VSTM4: variants seen among roughly 807,000 people sequenced by gnomAD.
VSTM4 encodes the protein V-set and transmembrane domain containing 4, also known as V-set and transmembrane domain-containing protein 4.
In VSTM4, 20 loss-of-function variants were observed where a neutral mutation model predicts 36.4. That is an observed-to-expected ratio of 0.55 (90% CI 0.39 to 0.80). The LOEUF is 0.80. Among genes scored for constraint, VSTM4 ranks in the 30% least tolerant of loss-of-function variants. The pLI is 0.00. For synonymous variants in VSTM4, 182 were observed against 173.9 expected (o/e 1.05, Z -0.37); for missense variants, 392 against 404.5 (o/e 0.97, Z 0.26).
chr10:49,079,078 C>T (rs1488245171), intron 3 of VSTM4, among the ~76,000 whole-genome samples: 1 of 152,166 alleles, frequency 6.6e-6, no homozygotes, highest in African/African-American at 2.4e-5. Flanking sequence ...GTGATCCCCC[C>T]ACCTCCACCT....
At chr10:49,087,160 C>G (rs2132002565) in intron 2 of VSTM4, among the ~76,000 whole-genome samples, 1 of 152,294 alleles carries the variant, frequency 6.6e-6, no homozygotes, top group East Asian at 1.9e-4. Flanking sequence ...CTGTGTTTAA[C>G]CTTCTGTACA....
At chr10:49,108,092 G>C in intron 1 of VSTM4, 97 bp from the exon 2 acceptor site, 1 of 1,418,760 alleles carries the variant, frequency 7.0e-7, no homozygotes. Context: ...TCCACGCACT[G>C]GGCATCCTAG....
At chr10:49,051,997 T>G (rs1194184676) in intron 5 of VSTM4, among the ~76,000 whole-genome samples, 4 of 152,208 alleles carry the variant, frequency 2.6e-5, no homozygotes, top group African/African-American at 9.6e-5. Context: ...AAGCCGATGT[T>G]TACTTAGCCA....
chr10:49,112,725 T>C (rs560783844), intron 1 of VSTM4, among the ~76,000 whole-genome samples: 16 of 152,306 alleles, frequency 1.1e-4, no homozygotes, highest in African/African-American at 3.9e-4. Context: ...TATCTTGAAA[T>C]TTTAATACAT....
chr10:49,020,753 G>GGAAGGAAGGAAGGAAGGA (rs1843170943), intron 7 of VSTM4, among the ~76,000 whole-genome samples: 2 of 77,118 alleles, frequency 2.6e-5, no homozygotes, highest in Admixed American at 1.6e-4. Flanking sequence ...GGAAGGAAGG[G>GGAAGGAAGGAAGGAAGGA]AGGGAGGGAG....
chr10:49,083,238 G>A (rs888435034), intron 3 of VSTM4, among the ~76,000 whole-genome samples: 4 of 152,192 alleles, frequency 2.6e-5, no homozygotes, highest in East Asian at 1.9e-4. Context: ...CTTGCTCAGG[G>A]TGAAATACCT....
chr10:49,097,834 G>T (rs191826758), intron 2 of VSTM4, among the ~76,000 whole-genome samples: 79 of 152,324 alleles, frequency 5.2e-4, no homozygotes, highest in African/African-American at 1.8e-3. Context: ...AGAACAAGTT[G>T]TCTGCATCTC....
chr10:49,081,257 C>A (rs1233104611), intron 3 of VSTM4, among the ~76,000 whole-genome samples: 1 of 152,160 alleles, frequency 6.6e-6, no homozygotes, highest in Admixed American at 6.5e-5. Context: ...GCTGCCAGGC[C>A]GACAGAACCT....
At chr10:49,088,396 C>T (rs1844411220) in intron 2 of VSTM4, among the ~76,000 whole-genome samples, 1 of 152,206 alleles carries the variant, frequency 6.6e-6, no homozygotes. Flanking sequence ...ATACATCAGA[C>T]AATTTGTCCA....
chr10:49,071,400 G>A (rs546883381), intron 4 of VSTM4, among the ~76,000 whole-genome samples: 1 of 152,200 alleles, frequency 6.6e-6, no homozygotes, highest in African/African-American at 2.4e-5. Flanking sequence ...TGCTGTCAAG[G>A]CCCTGGGATG....
intron 5 of VSTM4, among the ~76,000 whole-genome samples, chr10:49,062,428 A>G (rs1453235139): frequency 6.6e-6 from 1 of 152,052 alleles, no homozygotes; most frequent in Non-Finnish European, 1.5e-5. Context: ...TCTGGAGGAC[A>G]GTTTTGCTGG....
At chr10:49,107,509 C>G in intron 2 of VSTM4, 85 bp downstream of exon 2, 1 of 1,503,198 alleles carries the variant, frequency 6.7e-7, no homozygotes, top group Non-Finnish European at 8.9e-7. Context: ...ACAGCCAACC[C>G]GGGAGCCCCT....
chr10:49,033,498 T>A (rs1203877077), intron 7 of VSTM4, among the ~76,000 whole-genome samples: 1 of 152,226 alleles, frequency 6.6e-6, no homozygotes, highest in Non-Finnish European at 1.5e-5. Flanking sequence ...CTTAGAGGAA[T>A]AATTTCACTT....
chr10:49,049,810 A>G (rs1183917534), intron 5 of VSTM4, among the ~76,000 whole-genome samples: 1 of 151,548 alleles, frequency 6.6e-6, no homozygotes. Context: ...GCAAAGCACT[A>G]TTGGTAGGGG....
At chr10:49,085,063 C>T (rs945994534) in intron 3 of VSTM4, among the ~76,000 whole-genome samples, 2 of 152,274 alleles carry the variant, frequency 1.3e-5, no homozygotes, top group Non-Finnish European at 2.9e-5. Flanking sequence ...TGCCCTAAGG[C>T]CCAAACCTGA....
chr10:49,026,640 C>A (rs1024899963), intron 7 of VSTM4, among the ~76,000 whole-genome samples: 2 of 152,150 alleles, frequency 1.3e-5, no homozygotes, highest in South Asian at 4.1e-4. Context: ...CTGCCTGCTG[C>A]CCTCCGTGTG....
rs1403024161 is a variant in VSTM4 at position 49,019,791 on chromosome 10, CA to C, written c.838-17del. The C allele has an allele frequency of 6.2e-7, 1 of 1,605,838 alleles. No homozygotes were observed. Among genetic ancestry groups the C allele is most frequent in the African/African-American group, 1.3e-5 (1 of 74,708 alleles). ...CAATCTTTGGCTATAAAAGAAAAAA[CA>C]AAACAAAACACAATTCTAGCTGACC... On this transcript the variant is annotated splice_polypyrimidine_tract_variant and intron_variant, in intron 7 of 7. Coordinates refer to ENST00000332853, the MANE Select transcript of VSTM4 (RefSeq NM_001031746.5).
chr10:49,083,079 G>A (rs982989684), intron 3 of VSTM4, among the ~76,000 whole-genome samples: 8 of 152,232 alleles, frequency 5.3e-5, no homozygotes, highest in Non-Finnish European at 1.2e-4. Flanking sequence ...CCTCAGCAGA[G>A]TCCAGGAACC....
At chr10:49,052,174 ATT>A (rs1471818024) in intron 5 of VSTM4, among the ~76,000 whole-genome samples, 2 of 152,220 alleles carry the variant, frequency 1.3e-5, no homozygotes, top group Non-Finnish European at 2.9e-5. Context: ...TTTCAAGGCT[ATT>A]TAATACTTAC....
Sources: gnomAD v4.1 joint callset for allele counts (sites outside exome capture counted in the v4.1 genomes callset) on GRCh38, gnomAD v4.1.1 for gene constraint, MANE v1.5 for transcripts, NCBI Gene and HGNC (gene_info 2026-07-23, HGNC 2026-07-21) for gene names.